Variants in CFAP58 observed in about 807,000 individuals in gnomAD.
The protein encoded by CFAP58 is cilia- and flagella-associated protein 58.
A neutral mutation model predicts 119.5 loss-of-function variants in CFAP58; 88 were observed. The ratio of observed to expected loss-of-function variants is 0.74; its 90% CI spans 0.62 to 0.88. CFAP58 has a LOEUF of 0.88. CFAP58 is among the 40% of genes least tolerant of loss of function. CFAP58 has a pLI of 0.00. For missense variants in CFAP58, 990 were observed against 1,021.2 expected (o/e 0.97, Z 0.42); for synonymous variants, 365 against 366.3 (o/e 1.00, Z 0.04).
At chr10:104,375,997 G>T (rs2011651789) in intron 7 of CFAP58, among the ~76,000 whole-genome samples, 1 of 152,084 alleles carries the variant, frequency 6.6e-6, no homozygotes. Flanking sequence ...GGACCTAAAA[G>T]GGTACCTGGC....
intron 15 of CFAP58, among the ~76,000 whole-genome samples, chr10:104,424,705 G>A (rs141943434): frequency 0.014 from 2,184 of 152,170 alleles, 31 homozygotes; most frequent in South Asian, 0.052. Flanking sequence ...ACGACATTCT[G>A]GATACTGACA....
At chr10:104,350,388 CAG>C (rs2014446528), upstream of CFAP58, among the ~76,000 whole-genome samples, 1 of 152,162 alleles carries the variant, frequency 6.6e-6, no homozygotes, top group Non-Finnish European at 1.5e-5. Context: ...TACAACAACA[CAG>C]GGGAGCAGGG....
Position 104,402,574 on chromosome 10 carries a change from C to T in CFAP58, c.2040-1155C>T, listed in dbSNP as rs970269871. ...CTTCTCTGCCTCCCAATGTCTCATT[C>T]GATAGGGCGACAGCCAGCTCGCAAC... On this transcript the variant is annotated intron_variant, in intron 13 of 17. Transcript: ENST00000369704. 4.6e-5 allele frequency among the ~76,000 whole-genome samples: 7 copies of T among 152,270 alleles called. No homozygotes were observed. The East Asian group carries it at 7.7e-4, about 17-fold the overall frequency.
chr10:104,344,102 G>A, the CFAP58 span, among the ~76,000 whole-genome samples: 1 of 152,082 alleles, frequency 6.6e-6, no homozygotes, highest in African/African-American at 2.4e-5. Context: ...AACTGTTATT[G>A]GTTTATGTAT....
At chr10:104,368,302 C>T in intron 5 of CFAP58, 121 bp from the exon 6 acceptor site, 1 of 848,356 alleles carries the variant, frequency 1.2e-6, no homozygotes, top group Non-Finnish European at 1.8e-6. Context: ...ACAATTTCTA[C>T]AAAGACAAAA....
intron 2 of CFAP58, among the ~76,000 whole-genome samples, chr10:104,359,364 C>T (rs991618906): frequency 3.9e-5 from 6 of 152,088 alleles, no homozygotes; most frequent in African/African-American, 1.4e-4. Context: ...TACTAAATAA[C>T]GATTATCAAT....
chr10:104,345,146 C>CA, the CFAP58 span, among the ~76,000 whole-genome samples: 568 of 128,346 alleles, frequency 4.4e-3, 3 homozygotes, highest in African/African-American at 8.4e-3. Flanking sequence ...GACTCTGTCT[C>CA]AAAAAAAAAC....
chr10:104,358,530 CTAAATGCAGAGATT>C lies in CFAP58; in HGVS notation c.200_213del (p.Leu67ArgfsTer12). ...GCGTCTGATGGCCAAATGCAGAGAGCTAAATGCAGAGATTGTAGTGAATTCTGCGAAGGTCGCCA... is the reference window on the plus strand; with the variant it reads ...GCGTCTGATGGCCAAATGCAGAGAGCGTAGTGAATTCTGCGAAGGTCGCCA... On this transcript the variant is annotated frameshift_variant, in exon 2 of 18. Coordinates refer to ENST00000369704, the MANE Select transcript of CFAP58 (RefSeq NM_001008723.2). LOFTEE classifies it high-confidence loss of function. 6.2e-7 allele frequency: 1 copy of C among 1,614,066 alleles called. No individual in the cohort carries two copies. The highest frequency in any genetic ancestry group is 8.5e-7 in the Non-Finnish European group (1 of 1,179,996).
At chr10:104,425,916 A>G (rs954321552) in intron 15 of CFAP58, among the ~76,000 whole-genome samples, 1 of 152,174 alleles carries the variant, frequency 6.6e-6, no homozygotes, top group African/African-American at 2.4e-5. Context: ...GGGAGGAGAA[A>G]GGAGCAAATC....
At chr10:104,423,862 T>C (rs1418957289) in intron 15 of CFAP58, among the ~76,000 whole-genome samples, 1 of 152,218 alleles carries the variant, frequency 6.6e-6, no homozygotes, top group Non-Finnish European at 1.5e-5. Flanking sequence ...TGTTGGTGTT[T>C]TACCCAGAAA....
the CFAP58 span, among the ~76,000 whole-genome samples, chr10:104,348,320 G>C: frequency 5.3e-5 from 8 of 152,156 alleles, no homozygotes; most frequent in African/African-American, 1.7e-4. Flanking sequence ...CAGTGTTTCT[G>C]CTTTTTTGGA....
chr10:104,351,332 C>A (rs1373382506), upstream of CFAP58, among the ~76,000 whole-genome samples: 1 of 152,206 alleles, frequency 6.6e-6, no homozygotes. Flanking sequence ...ATTCATCAAC[C>A]CAACACAGTT....
rs2014740100 is a variant in CFAP58 at position 104,365,949 on chromosome 10, T to G, written c.733T>G (p.Tyr245Asp). The G allele has an allele frequency of 2.5e-6, 4 of 1,612,922 alleles. No individual in the cohort carries two copies. In the South Asian group the frequency reaches 4.4e-5, roughly 18 times the overall value. The change falls in exon 5 of 18, where the codon TAT becomes GAT. Residue 245 changes from tyrosine to aspartate, a missense_variant. Physicochemically the swap from Tyr to Asp is radical, Grantham distance 160 (BLOSUM62 -3). Transcript: ENST00000369704. ...RQTEIKALQQ[Y>D]VQKSKEELQK... is the part of the protein sequence containing the mutation. ...GACAGAAATAAAAGCCCTGCAGCAG[T>G]ATGTGCAGAAGAGCAAGGAGGAGCT...
chr10:104,436,252 T>G (rs2012932368), intron 15 of CFAP58, among the ~76,000 whole-genome samples: 4 of 152,204 alleles, frequency 2.6e-5, no homozygotes. Flanking sequence ...TGTAAATAAT[T>G]TATTAGAGTA....
chr10:104,404,231 G>A (rs1415337281), intron 14 of CFAP58, among the ~76,000 whole-genome samples: 1 of 152,158 alleles, frequency 6.6e-6, no homozygotes, highest in Non-Finnish European at 1.5e-5. Flanking sequence ...ATTGATCTTT[G>A]CATCCTTTTA....
chr10:104,343,969 C>G, the CFAP58 span, among the ~76,000 whole-genome samples: 2 of 152,304 alleles, frequency 1.3e-5, no homozygotes, highest in East Asian at 3.9e-4. Flanking sequence ...TCTCAGACTC[C>G]TGGGCTCAAG....
chr10:104,371,212 G>A (rs904154960), intron 7 of CFAP58, among the ~76,000 whole-genome samples, 158 bp downstream of exon 7: 1 of 151,806 alleles, frequency 6.6e-6, no homozygotes, highest in South Asian at 2.1e-4. Flanking sequence ...GGTGGGGTGG[G>A]GGGCATCATT....
At chr10:104,387,301 T>C (rs905795112) in intron 9 of CFAP58, among the ~76,000 whole-genome samples, 1 of 152,210 alleles carries the variant, frequency 6.6e-6, no homozygotes, top group Non-Finnish European at 1.5e-5. Context: ...GGGATGTGGA[T>C]TGGGCTCAGT....
In CFAP58 at chr10:104,361,512, C is replaced by T. The variant is rs567378363; in HGVS notation, c.292-511C>T. On this transcript the variant is annotated intron_variant, in intron 2 of 17. Transcript: ENST00000369704. ...TTTAATTCAGTCTATCAATTTAGGG[C>T]TTGGATCTATGATCATTTCTCATGT... 5.9e-5 allele frequency among the ~76,000 whole-genome samples: 9 copies of T among 152,258 alleles called. No homozygotes were observed. In the South Asian group the frequency reaches 1.9e-3, roughly 32 times the overall value.
Sources: gnomAD v4.1 joint callset for allele counts (sites outside exome capture counted in the v4.1 genomes callset) on GRCh38, gnomAD v4.1.1 for gene constraint, MANE v1.5 for transcripts, NCBI Gene and HGNC (gene_info 2026-07-23, HGNC 2026-07-21) for gene names.